Variants in PKNOX2 observed in about 807,000 individuals in gnomAD.
PKNOX2 encodes homeobox protein PKNOX2.
A neutral mutation model predicts 53.1 loss-of-function variants in PKNOX2; 14 were observed. That is an observed-to-expected ratio of 0.26 (90% CI 0.17 to 0.41). The LOEUF is 0.41. PKNOX2 is among the 10% of genes least tolerant of loss of function. The pLI is 1.00. For synonymous variants in PKNOX2, 257 were observed against 242.8 expected (o/e 1.06, Z -0.54); for missense variants, 496 against 602.8 (o/e 0.82, Z 1.85).
At chr11:125,342,660 A>C (rs900838781) in intron 3 of PKNOX2, among the ~76,000 whole-genome samples, 2 of 152,172 alleles carry the variant, frequency 1.3e-5, no homozygotes, top group African/African-American at 4.8e-5. Flanking sequence ...TTGACAAATA[A>C]TAATAAACCT....
chr11:125,394,956 C>A (rs1954293107), intron 6 of PKNOX2, among the ~76,000 whole-genome samples: 1 of 137,962 alleles, frequency 7.2e-6, no homozygotes, highest in Non-Finnish European at 1.6e-5. Context: ...TTTTACGTGC[C>A]CTCGTGTGTG....
chr11:125,385,499 A>T, intron 5 of PKNOX2, 52 bp from the exon 6 acceptor site: 4 of 1,526,750 alleles, frequency 2.6e-6, no homozygotes, highest in Non-Finnish European at 3.5e-6. Flanking sequence ...GAGCACAGGT[A>T]GCAGCACGGT....
intron 2 of PKNOX2, among the ~76,000 whole-genome samples, chr11:125,273,170 C>A (rs898653471): frequency 6.6e-6 from 1 of 152,228 alleles, no homozygotes; most frequent in Non-Finnish European, 1.5e-5. Flanking sequence ...GCTCAGAGTT[C>A]AGGGATGGGT....
intron 2 of PKNOX2, among the ~76,000 whole-genome samples, chr11:125,300,379 C>T (rs1947963687): frequency 6.6e-6 from 1 of 152,234 alleles, no homozygotes; most frequent in Non-Finnish European, 1.5e-5. Flanking sequence ...TTAATCCTCT[C>T]TAGGGATATT....
intron 2 of PKNOX2, among the ~76,000 whole-genome samples, chr11:125,324,153 C>G (rs1226086119): frequency 1.3e-5 from 2 of 152,136 alleles, no homozygotes; most frequent in East Asian, 1.9e-4. Context: ...AGAACAGAAG[C>G]AGCTCACCCT....
intron 1 of PKNOX2, among the ~76,000 whole-genome samples, chr11:125,212,602 T>A (rs1302724573): frequency 6.7e-6 from 1 of 150,248 alleles, no homozygotes; most frequent in African/African-American, 2.5e-5. Flanking sequence ...AGCTCGGTGT[T>A]GCCAGGGGAC....
rs139137658 is a variant in PKNOX2 at position 125,376,424 on chromosome 11, G to A, written c.227+8439G>A. The stretch of plus-strand genomic sequence containing the variant: ...CTCCATCTGGTGCTTTCAAGGGGAG[G>A]AGAAGCAGAGGGCTGGACAAGCACC... On this transcript the variant is annotated intron_variant, in intron 5 of 12. Transcript: ENST00000298282. Among the ~76,000 whole-genome samples the A allele has an allele frequency of 2.0e-3, 303 of 152,264 alleles. 1 individual carries two copies. Among genetic ancestry groups the A allele is most frequent in the Non-Finnish European group, 3.4e-3 (232 of 68,034 alleles).
chr11:125,201,083 C>G (rs1938380286), intron 1 of PKNOX2, among the ~76,000 whole-genome samples: 1 of 152,212 alleles, frequency 6.6e-6, no homozygotes, highest in South Asian at 2.1e-4. Flanking sequence ...CATCATTGCT[C>G]ATTTTAGCTC....
At chr11:125,412,320 G>A (rs554540912) in intron 10 of PKNOX2, among the ~76,000 whole-genome samples, 8 of 152,200 alleles carry the variant, frequency 5.3e-5, no homozygotes, top group East Asian at 3.9e-4. Context: ...TGAGCCAAGC[G>A]CTGTGTGGTG....
At chr11:125,379,930 C>T (rs530993583) in intron 5 of PKNOX2, among the ~76,000 whole-genome samples, 25 of 135,598 alleles carry the variant, frequency 1.8e-4, no homozygotes, top group East Asian at 1.1e-3. Flanking sequence ...TTCTTTGGAT[C>T]GTTAACAAGA....
intron 10 of PKNOX2, among the ~76,000 whole-genome samples, chr11:125,424,872 A>G (rs902225638): frequency 6.6e-6 from 1 of 152,238 alleles, no homozygotes; most frequent in Non-Finnish European, 1.5e-5. Context: ...TTTCAATTGA[A>G]AGATGCTTTT....
intron 10 of PKNOX2, among the ~76,000 whole-genome samples, chr11:125,428,255 C>T (rs1026961918): frequency 6.6e-5 from 10 of 152,000 alleles, no homozygotes; most frequent in African/African-American, 2.4e-4. Context: ...TCTTTCTCAC[C>T]TCCACTCAGT....
At position 125,431,507 on chromosome 11, in the gene PKNOX2, C is replaced by A; in HGVS notation, c.*115C>A. Reference sequence around the variant, plus strand: ...AAGCACCGAGGGAGTTGGGCCCTAGCTTCCCCAAATCAGTAGCTTGAAGAA... The same window carrying A: ...AAGCACCGAGGGAGTTGGGCCCTAGATTCCCCAAATCAGTAGCTTGAAGAA... On this transcript the variant is annotated 3_prime_UTR_variant, in exon 13 of 13. Transcript: ENST00000298282. The A allele has an allele frequency of 1.7e-6, 2 of 1,179,460 alleles. No homozygotes were observed. The highest frequency in any genetic ancestry group is 3.0e-5 in the East Asian group (1 of 32,896). 73.1% of individuals were successfully genotyped at this position (1,179,460 alleles called of 1,614,324 possible).
intron 1 of PKNOX2, among the ~76,000 whole-genome samples, chr11:125,190,664 GGCCAC>G (rs767645411): frequency 3.7e-4 from 57 of 152,134 alleles, no homozygotes; most frequent in Non-Finnish European, 6.3e-4. Flanking sequence ...GCCCTGTGAT[GGCCAC>G]CTGTGAACAT....
chr11:125,397,449 A>T (rs1436456405), intron 6 of PKNOX2, among the ~76,000 whole-genome samples: 1 of 152,114 alleles, frequency 6.6e-6, no homozygotes, highest in East Asian at 1.9e-4. Flanking sequence ...CTCACAACAA[A>T]CCTGTAAAGT....
At chr11:125,408,728 G>C (rs1406583762) in intron 7 of PKNOX2, among the ~76,000 whole-genome samples, 1 of 152,150 alleles carries the variant, frequency 6.6e-6, no homozygotes, top group African/African-American at 2.4e-5. Context: ...GTCAGGGTCT[G>C]GGAGGAGATT....
At chr11:125,282,603 T>C (rs570770467) in intron 2 of PKNOX2, among the ~76,000 whole-genome samples, 1 of 152,368 alleles carries the variant, frequency 6.6e-6, no homozygotes, top group African/African-American at 2.4e-5. Flanking sequence ...TGAAAAGCAC[T>C]GGTCTCTGTC....
chr11:125,297,275 G>C (rs57537344), intron 2 of PKNOX2, among the ~76,000 whole-genome samples: 4,303 of 152,282 alleles, frequency 0.028, 212 homozygotes, highest in African/African-American at 0.097. Flanking sequence ...GGAGTGAGTA[G>C]ATCATTTGAC....
chr11:125,255,617 A>G (rs900093644), intron 2 of PKNOX2, among the ~76,000 whole-genome samples: 5 of 152,146 alleles, frequency 3.3e-5, no homozygotes, highest in Non-Finnish European at 5.9e-5. Context: ...AATCAACTAT[A>G]AATAAACACA....
Sources: allele counts gnomAD v4.1 joint callset (sites outside exome capture counted in the v4.1 genomes callset), GRCh38; gene constraint gnomAD v4.1.1; transcripts MANE v1.5; gene names NCBI Gene and HGNC (gene_info 2026-07-23, HGNC 2026-07-21).